GRM7: variants seen among roughly 807,000 people sequenced by gnomAD.
GRM7 encodes the protein glutamate metabotropic receptor 7.
In GRM7, 35 loss-of-function variants were observed where a neutral mutation model predicts 84.5. That is an observed-to-expected ratio of 0.41 (90% CI 0.32 to 0.55). The LOEUF (loss-of-function observed/expected upper bound fraction) is 0.55. Ranked by LOEUF, GRM7 falls within the 20% of genes least tolerant of loss-of-function variation. The pLI is 0.19. For missense variants in GRM7, 1,003 were observed against 1,194.6 expected, an observed-to-expected ratio of 0.84 and a Z score of 2.36; for synonymous variants, 487 against 455.1, an observed-to-expected ratio of 1.07 and a Z score of -0.89.
chr3:7,163,417 G>T (rs1694698264), intron 2 of GRM7, among the ~76,000 whole-genome samples: 1 of 152,084 alleles, frequency 6.6e-6, no homozygotes, highest in South Asian at 2.1e-4. Flanking sequence ...AAGAAAACAT[G>T]TGCACCACCC....
intron 1 of GRM7, among the ~76,000 whole-genome samples, chr3:6,936,695 AAAAG>A (rs1364209981): frequency 1.1e-4 from 17 of 152,330 alleles, no homozygotes; most frequent in African/African-American, 3.8e-4. Flanking sequence ...TTTAATGTTT[AAAAG>A]AATCACAAGT....
At chr3:6,887,396 A>G (rs1413640092) in intron 1 of GRM7, among the ~76,000 whole-genome samples, 2 of 151,376 alleles carry the variant, frequency 1.3e-5, no homozygotes, top group African/African-American at 4.9e-5. Flanking sequence ...CCACCCCACA[A>G]CAGTCCACAG....
chr3:7,276,253 A>G (rs189252588), intron 2 of GRM7, among the ~76,000 whole-genome samples: 1,553 of 137,816 alleles, frequency 0.011, 20 homozygotes, highest in East Asian at 0.022. Flanking sequence ...GTGTGTGTAT[A>G]TATAATTGTC....
intron 1 of GRM7, among the ~76,000 whole-genome samples, chr3:6,957,182 T>C (rs1269904751): frequency 6.6e-6 from 1 of 152,222 alleles, no homozygotes; most frequent in Non-Finnish European, 1.5e-5. Context: ...CCTAAAATTT[T>C]CCATAAAGAT....
chr3:7,145,758 C>T (rs1368938559), intron 1 of GRM7, among the ~76,000 whole-genome samples: 1 of 152,002 alleles, frequency 6.6e-6, no homozygotes, highest in Admixed American at 6.6e-5. Context: ...AAATCAGAGG[C>T]CCTTGTGGCC....
chr3:7,473,032 C>A (rs1205295226), intron 7 of GRM7, among the ~76,000 whole-genome samples: 2 of 152,184 alleles, frequency 1.3e-5, no homozygotes, highest in Non-Finnish European at 2.9e-5. Flanking sequence ...CTCTCACATT[C>A]TCTGGCTGCG....
intron 1 of GRM7, among the ~76,000 whole-genome samples, chr3:6,981,115 G>A (rs1694181727): frequency 6.6e-6 from 1 of 152,110 alleles, no homozygotes; most frequent in South Asian, 2.1e-4. Flanking sequence ...ATGGAATGAA[G>A]TTCAGATAAG....
intron 7 of GRM7, among the ~76,000 whole-genome samples, chr3:7,516,225 A>T (rs1700375041): frequency 2.0e-5 from 3 of 150,150 alleles, no homozygotes; most frequent in Non-Finnish European, 4.4e-5. Context: ...TAATCCCAGC[A>T]CTTCGGGAAG....
intron 4 of GRM7, among the ~76,000 whole-genome samples, chr3:7,398,687 G>T (rs1186114890): frequency 6.6e-6 from 1 of 152,054 alleles, no homozygotes; most frequent in East Asian, 1.9e-4. Context: ...GTGTTGGGGG[G>T]ATCAGTGCAA....
intron 2 of GRM7, among the ~76,000 whole-genome samples, chr3:7,232,150 G>A (rs1224600762): frequency 6.6e-6 from 1 of 152,032 alleles, no homozygotes; most frequent in Non-Finnish European, 1.5e-5. Context: ...TATTCCAAGT[G>A]AGAGAAATAG....
intron 1 of GRM7, among the ~76,000 whole-genome samples, chr3:7,058,231 A>T (rs1396474847): frequency 2.6e-5 from 4 of 151,938 alleles, no homozygotes; most frequent in Non-Finnish European, 5.9e-5. Flanking sequence ...ATAACCACAT[A>T]ATTAGATAGA....
At chr3:7,085,513 A>G (rs551072640) in intron 1 of GRM7, among the ~76,000 whole-genome samples, 9 of 152,230 alleles carry the variant, frequency 5.9e-5, no homozygotes, top group South Asian at 4.1e-4. Flanking sequence ...TAGTTTTGGT[A>G]TGTTTCGATG....
rs1456098646 is a variant in GRM7 at position 7,593,796 on chromosome 3, A to G, written c.2451+14439A>G. ...AATGGGAAGCTTTAGAAACTGATTTATGTTTTAGAACGACCACTTGGACTG... is the reference window on the plus strand; with the variant it reads ...AATGGGAAGCTTTAGAAACTGATTTGTGTTTTAGAACGACCACTTGGACTG... On this transcript the variant is annotated intron_variant, in intron 8 of 9. Coordinates refer to ENST00000357716, the MANE Select transcript of GRM7 (RefSeq NM_000844.4). 3.3e-5 allele frequency among the ~76,000 whole-genome samples: 5 copies of G among 152,150 alleles called. No individual in the cohort carries two copies. The East Asian group carries it at 9.6e-4, about 29-fold the overall frequency.
At chr3:7,537,816 A>G (rs901905936) in intron 7 of GRM7, among the ~76,000 whole-genome samples, 4 of 152,198 alleles carry the variant, frequency 2.6e-5, no homozygotes, top group African/African-American at 9.7e-5. Flanking sequence ...TCAGATGAGA[A>G]AGTCTATCGC....
intron 5 of GRM7, among the ~76,000 whole-genome samples, chr3:7,437,476 A>G (rs1341978114): frequency 1.3e-5 from 2 of 152,148 alleles, no homozygotes; most frequent in East Asian, 3.8e-4. Context: ...CATCCTCACC[A>G]CATGCCTCAG....
At position 7,578,661 on chromosome 3, in the gene GRM7, G is replaced by C; in HGVS notation, c.1755G>C (p.Glu585Asp). ...AGGATATTCCCATCATCAAACTGGAGTGGCACTCCCCCTGGGCTGTGATTC... is the reference window on the plus strand; with the variant it reads ...AGGATATTCCCATCATCAAACTGGACTGGCACTCCCCCTGGGCTGTGATTC... The part of the protein sequence containing the change: ...GCQDIPIIKL[E>D]WHSPWAVIPV... Residue 585 changes from glutamate (E) to aspartate (D), a missense_variant, in exon 8 of 10, where the codon GAG (glutamate) becomes GAC (aspartate). Coordinates refer to ENST00000357716, the MANE Select transcript of GRM7 (RefSeq NM_000844.4). The C allele has an allele frequency of 6.2e-7, 1 of 1,614,050 alleles. No homozygotes were observed. The highest frequency in any genetic ancestry group is 2.2e-5 in the East Asian group (1 of 44,858).
chr3:7,654,874 T>A (rs1442179964), intron 8 of GRM7, among the ~76,000 whole-genome samples: 1 of 152,218 alleles, frequency 6.6e-6, no homozygotes, highest in Admixed American at 6.5e-5. Flanking sequence ...GGCCCACACA[T>A]ATATTTTACT....
At chr3:7,055,362 T>A (rs925470646) in intron 1 of GRM7, among the ~76,000 whole-genome samples, 2 of 151,848 alleles carry the variant, frequency 1.3e-5, no homozygotes, top group African/African-American at 4.8e-5. Flanking sequence ...AATCTGTTCT[T>A]TTTCAAATCA....
chr3:7,231,862 A>G (rs909888809), intron 2 of GRM7, among the ~76,000 whole-genome samples: 1 of 152,140 alleles, frequency 6.6e-6, no homozygotes, highest in Non-Finnish European at 1.5e-5. Flanking sequence ...TTTCATTTCA[A>G]CATTTATCCA....
Sources: allele counts gnomAD v4.1 joint callset (sites outside exome capture counted in the v4.1 genomes callset), GRCh38; gene constraint gnomAD v4.1.1; transcripts MANE v1.5; gene names NCBI Gene and HGNC (gene_info 2026-07-23, HGNC 2026-07-21).